The following PLPPR5 variants were observed in gnomAD, a reference collection of about 807,000 sequenced individuals.
The protein encoded by PLPPR5 is phospholipid phosphatase-related protein type 5.
PLPPR5 carries 16 observed loss-of-function variants against 33.9 expected under a neutral mutation model. The observed-to-expected ratio is 0.47, with a 90% CI of 0.32 to 0.72. PLPPR5 has a LOEUF of 0.72. Among genes scored for constraint, PLPPR5 ranks in the 30% least tolerant of loss-of-function variants. The pLI is 0.03. For synonymous variants in PLPPR5, 163 were observed against 150.3 expected (o/e 1.08, Z -0.62); for missense variants, 301 against 406.7 (o/e 0.74, Z 2.23).
At chr1:98,928,308 C>T (rs1649836767) in intron 3 of PLPPR5, among the ~76,000 whole-genome samples, 1 of 151,650 alleles carries the variant, frequency 6.6e-6, no homozygotes, top group Non-Finnish European at 1.5e-5. Flanking sequence ...AATTTTATAT[C>T]TAAATACAGA....
At chr1:98,976,285 T>G (rs183610769) in intron 1 of PLPPR5, among the ~76,000 whole-genome samples, 33 of 152,132 alleles carry the variant, frequency 2.2e-4, no homozygotes, top group Non-Finnish European at 3.7e-4. Context: ...TGATTCAAGT[T>G]TAAGCTTCAA....
At chr1:98,930,089 A>T (rs1237731877) in intron 3 of PLPPR5, among the ~76,000 whole-genome samples, 1 of 152,232 alleles carries the variant, frequency 6.6e-6, no homozygotes, top group Non-Finnish European at 1.5e-5. Context: ...TAAAAGACAA[A>T]TCTGGAAATT....
intron 3 of PLPPR5, among the ~76,000 whole-genome samples, chr1:98,927,077 G>C (rs896026940): frequency 6.6e-6 from 1 of 152,152 alleles, no homozygotes. Flanking sequence ...GCCAGGGTTG[G>C]TAATGGTGGT....
At chr1:98,944,528 A>AAGC in intron 3 of PLPPR5, among the ~76,000 whole-genome samples, 3 of 152,320 alleles carry the variant, frequency 2.0e-5, no homozygotes, top group Middle Eastern at 3.4e-3. Context: ...ATGAACCAGA[A>AAGC]AGCAGGCCCT....
chr1:98,913,868 C>T (rs72730314), intron 5 of PLPPR5, among the ~76,000 whole-genome samples: 7,736 of 152,214 alleles, frequency 0.051, 295 homozygotes, highest in Middle Eastern at 0.11. Context: ...TCACAAAAGT[C>T]TCAAGAAAAG....
At chr1:98,985,452 T>C (rs1001474597) in intron 1 of PLPPR5, among the ~76,000 whole-genome samples, 1 of 152,054 alleles carries the variant, frequency 6.6e-6, no homozygotes, top group African/African-American at 2.4e-5. Flanking sequence ...CATCATAACA[T>C]TGTAGCACAA....
chr1:98,935,325 G>T (rs767325970), intron 3 of PLPPR5, among the ~76,000 whole-genome samples: 3 of 152,174 alleles, frequency 2.0e-5, no homozygotes, highest in Non-Finnish European at 4.4e-5. Context: ...AGCAAGAGTA[G>T]GGGCTATTAG....
At chr1:98,900,170 C>T (rs762574080) in intron 5 of PLPPR5, among the ~76,000 whole-genome samples, 26 of 151,980 alleles carry the variant, frequency 1.7e-4, no homozygotes, top group African/African-American at 4.4e-4. Flanking sequence ...TTATGAATTC[C>T]GCTTCTTTTT....
chr1:98,938,437 A>AT (rs956391488), intron 3 of PLPPR5, among the ~76,000 whole-genome samples: 2 of 149,336 alleles, frequency 1.3e-5, no homozygotes, highest in East Asian at 1.9e-4. Context: ...AAAAAAAAAA[A>AT]GTATAGTATT....
intron 5 of PLPPR5, among the ~76,000 whole-genome samples, chr1:98,910,899 T>C (rs1055983752): frequency 4.0e-5 from 6 of 151,832 alleles, no homozygotes. Flanking sequence ...TTTTTTTTTT[T>C]TTTTTTCTCA....
intron 5 of PLPPR5, among the ~76,000 whole-genome samples, chr1:98,904,670 C>T (rs1050461218): frequency 6.6e-6 from 1 of 152,084 alleles, no homozygotes; most frequent in Non-Finnish European, 1.5e-5. Context: ...AGAATAAGCA[C>T]AGGCAGGAGA....
At chr1:98,938,896 C>T (rs1161913240) in intron 3 of PLPPR5, among the ~76,000 whole-genome samples, 1 of 152,104 alleles carries the variant, frequency 6.6e-6, no homozygotes, top group African/African-American at 2.4e-5. Context: ...AAACCAAATA[C>T]CACATGTTCT....
At chr1:98,978,704 T>C (rs1285789969) in intron 1 of PLPPR5, among the ~76,000 whole-genome samples, 1 of 152,026 alleles carries the variant, frequency 6.6e-6, no homozygotes, top group African/African-American at 2.4e-5. Flanking sequence ...GACAGATCTG[T>C]TGTGAAAATT....
chr1:98,913,538 T>C (rs1649231836), intron 5 of PLPPR5, among the ~76,000 whole-genome samples: 1 of 152,220 alleles, frequency 6.6e-6, no homozygotes, highest in South Asian at 2.1e-4. Flanking sequence ...TTAACCTGGA[T>C]GTACCCTACT....
intron 3 of PLPPR5, among the ~76,000 whole-genome samples, chr1:98,929,680 C>G (rs1649896523): frequency 6.6e-6 from 1 of 152,186 alleles, no homozygotes; most frequent in Non-Finnish European, 1.5e-5. Context: ...ATCACAGACA[C>G]ATTTACCTAA....
rs17392389 is a variant in PLPPR5 at position 98,892,148 on chromosome 1, T to C, written c.*924A>G. ...TCTAGCATTTATATAATTTAAATTA[T>C]GTGTCAGGGTATAGTTCTTTCCCAT... On this transcript the variant is annotated 3_prime_UTR_variant, in exon 6 of 6. Transcript: ENST00000263177. 0.15 allele frequency: 23,347 copies of C among 152,088 alleles called. 2,185 individuals carry two copies. The highest frequency in any genetic ancestry group is 0.21 in the Non-Finnish European group (14,518 of 67,944). The allele number at this position is 152,088 out of a possible 1,614,324, so 9.4% of individuals were successfully genotyped here. A position where few individuals can be genotyped will look rare whatever the true frequency, so the allele number is the denominator to read the frequency against.
intron 5 of PLPPR5, among the ~76,000 whole-genome samples, chr1:98,894,884 G>A (rs1328995941): frequency 1.3e-5 from 2 of 152,016 alleles, no homozygotes; most frequent in Non-Finnish European, 2.9e-5. Context: ...GAGCTTGACA[G>A]AAATAGAGGA....
chr1:98,931,403 C>G (rs1290608692), intron 3 of PLPPR5, among the ~76,000 whole-genome samples: 1 of 152,122 alleles, frequency 6.6e-6, no homozygotes, highest in Non-Finnish European at 1.5e-5. Flanking sequence ...TACTCAACAA[C>G]AGAGGTAACT....
intron 1 of PLPPR5, among the ~76,000 whole-genome samples, chr1:99,003,008 A>G (rs1321676478): frequency 6.9e-6 from 1 of 145,450 alleles, no homozygotes; most frequent in East Asian, 2.1e-4. Context: ...GAACACAAAC[A>G]TGAAGGCTGG....
Sources: allele counts gnomAD v4.1 joint callset (sites outside exome capture counted in the v4.1 genomes callset), GRCh38; gene constraint gnomAD v4.1.1; transcripts MANE v1.5; gene names NCBI Gene and HGNC (gene_info 2026-07-23, HGNC 2026-07-21).